CMYA5: variants seen among roughly 807,000 people sequenced by gnomAD.
CMYA5 encodes the protein cardiomyopathy-associated protein 5.
A neutral mutation model predicts 318.9 loss-of-function variants in CMYA5; 246 were observed. The ratio of observed to expected loss-of-function variants is 0.77; its 90% CI spans 0.70 to 0.86. The LOEUF is 0.86. Ranked by LOEUF, CMYA5 falls within the 40% of genes least tolerant of loss-of-function variation. The probability of loss-of-function intolerance (pLI) is 0.00; values close to 1 mark genes in which losing one functional copy is unlikely to be tolerated. For synonymous variants in CMYA5, 1,641 were observed against 1,729.5 expected (o/e 0.95, Z 1.27); for missense variants, 4,589 against 4,678.2 (o/e 0.98, Z 0.56).
intron 1 of CMYA5, among the ~76,000 whole-genome samples, chr5:79,694,296 T>C (rs1271434736): frequency 1.3e-5 from 2 of 152,222 alleles, no homozygotes; most frequent in African/African-American, 4.8e-5. Flanking sequence ...TAAGCACCTA[T>C]ACATTTGTAT....
intron 1 of CMYA5, among the ~76,000 whole-genome samples, chr5:79,698,948 A>T (rs1827124064): frequency 6.6e-6 from 1 of 152,164 alleles, no homozygotes; most frequent in African/African-American, 2.4e-5. Flanking sequence ...ACTTGAAATC[A>T]GGAGTTTGAG....
At chr5:79,690,241 C>T (rs1826940223) in intron 1 of CMYA5, among the ~76,000 whole-genome samples, 185 bp downstream of exon 1, 1 of 152,016 alleles carries the variant, frequency 6.6e-6, no homozygotes, top group Non-Finnish European at 1.5e-5. Context: ...AGTGACAGGC[C>T]CGCCTGCAGC....
In CMYA5 at chr5:79,735,414, A is replaced by G. The variant is rs1333968791; in HGVS notation, c.6649A>G (p.Ile2217Val). Residue 2217 changes from isoleucine to valine, a missense_variant, in exon 2 of 13, where the codon ATA (isoleucine) becomes GTA (valine). Physicochemically the swap from Ile to Val is conservative, Grantham distance 29. Around this residue, in one of 3 missense-constraint regions of CMYA5, gnomAD observed 2,431 missense variants for 2,495.1 expected, o/e 0.97. Transcript: ENST00000446378. ...SPSVEKAVTV[I>V]DPEGTIPTNF... ...ATCCGTAGAAAAAGCAGTGACTGTG[A>G]TAGATCCTGAAGGTACAATTCCCAC... 2.5e-6 allele frequency: 4 copies of G among 1,613,822 alleles called. No homozygotes were observed. The African/African-American group carries it at 5.3e-5, about 22-fold the overall frequency.
At chr5:79,741,448 T>A (rs7719553) in intron 2 of CMYA5, among the ~76,000 whole-genome samples, 72,791 of 152,060 alleles carry the variant, frequency 0.48, 19,084 homozygotes, top group African/African-American at 0.7. Flanking sequence ...ATCAGACTCA[T>A]TTTGATTCAA....
In CMYA5 at chr5:79,733,822, G is replaced by C. The variant is rs1333372106; in HGVS notation, c.5057G>C (p.Arg1686Thr). 6.2e-7 allele frequency: 1 copy of C among 1,613,570 alleles called. No homozygotes were observed. The highest frequency in any genetic ancestry group is 1.3e-5 in the African/African-American group (1 of 74,896). Residue 1686 changes from arginine to threonine, a missense_variant, in exon 2 of 13, where the codon AGA becomes ACA. Around this residue, in one of 3 missense-constraint regions of CMYA5, gnomAD observed 2,132 missense variants for 2,131.3 expected, o/e 1.00. Coordinates refer to ENST00000446378, the MANE Select transcript of CMYA5 (RefSeq NM_153610.5). The stretch of plus-strand genomic sequence containing the variant: ...AGCAGAGAAGGAAAAGAAGAAAATA[G>C]AGAGCTTTGTGCATCTTCTACGATG... ...LRSREGKEEN[R>T]ELCASSTMPA...
At chr5:79,754,851 G>A (rs1828497686) in intron 6 of CMYA5, among the ~76,000 whole-genome samples, 1 of 152,174 alleles carries the variant, frequency 6.6e-6, no homozygotes, top group Non-Finnish European at 1.5e-5. Flanking sequence ...TCTCCTGGCT[G>A]TGGCAGCCAC....
Position 79,730,445 on chromosome 5 carries a change from A to C in CMYA5, c.1680A>C (p.Glu560Asp). The C allele has an allele frequency of 1.2e-6, 2 of 1,613,876 alleles. No homozygotes were observed. Among genetic ancestry groups the C allele is most frequent in the Non-Finnish European group, 1.7e-6 (2 of 1,179,874 alleles). Reference sequence around the variant, plus strand: ...CCCCTGAAGTGGAGCACAAAGAAGAAGAGCTTATTCTACCATTATTGGCAG... The same window carrying C: ...CCCCTGAAGTGGAGCACAAAGAAGACGAGCTTATTCTACCATTATTGGCAG... ...HMSPEVEHKE[E>D]ELILPLLAAS... Residue 560 changes from glutamate (E) to aspartate (D), a missense_variant, in exon 2 of 13, where the codon GAA becomes GAC. Coordinates refer to ENST00000446378, the MANE Select transcript of CMYA5 (RefSeq NM_153610.5).
chr5:79,697,397 C>G (rs1332202184), intron 1 of CMYA5, among the ~76,000 whole-genome samples: 4 of 152,288 alleles, frequency 2.6e-5, no homozygotes, highest in Non-Finnish European at 4.4e-5. Flanking sequence ...GCAAGACAGC[C>G]TGGCTGCTGA....
At chr5:79,717,694 C>T (rs1411587835) in intron 1 of CMYA5, among the ~76,000 whole-genome samples, 1 of 152,066 alleles carries the variant, frequency 6.6e-6, no homozygotes, top group Non-Finnish European at 1.5e-5. Context: ...TTCTAAAGTA[C>T]CTGATCATTG....
intron 2 of CMYA5, 37 bp from the exon 3 acceptor site, chr5:79,743,790 T>A (rs1392628967): frequency 8.8e-7 from 1 of 1,133,228 alleles, no homozygotes; most frequent in Non-Finnish European, 1.3e-6. Context: ...TCTTCCTAAA[T>A]GTCATATACT....
chr5:79,699,252 C>G (rs1391488587), intron 1 of CMYA5, among the ~76,000 whole-genome samples: 2 of 152,102 alleles, frequency 1.3e-5, no homozygotes, highest in Non-Finnish European at 2.9e-5. Context: ...ACATTTTATC[C>G]CTAGGATCTC....
intron 1 of CMYA5, among the ~76,000 whole-genome samples, chr5:79,701,590 A>T (rs1306136035): frequency 6.6e-6 from 1 of 152,228 alleles, no homozygotes; most frequent in African/African-American, 2.4e-5. Context: ...ATGCGGAAGT[A>T]TCAGAATCCT....
chr5:79,793,478 A>C lies in CMYA5; in HGVS notation c.11831A>C (p.Gln3944Pro). 1 of 1,613,836 alleles carries C rather than the reference A, an allele frequency of 6.2e-7. No homozygotes were observed. The highest frequency in any genetic ancestry group is 1.1e-5 in the South Asian group (1 of 91,084). The change falls in exon 12 of 13, where the codon CAG becomes CCG. Residue 3944 changes from glutamine (Q) to proline (P), a missense_variant. Gln to Pro is a moderately conservative substitution (Grantham distance 76, BLOSUM62 -1). Around this residue, in one of 3 missense-constraint regions of CMYA5, gnomAD observed 2,431 missense variants for 2,495.1 expected, o/e 0.97. Transcript: ENST00000446378. ...VLGEELPSCG[Q>P]HYWETTVTDC... is the part of the protein sequence containing the mutation. ...GGTGAGGAGCTGCCTTCCTGTGGCC[A>C]GCATTACTGGGAAACCACAGTCACA...
intron 1 of CMYA5, among the ~76,000 whole-genome samples, chr5:79,699,019 G>A (rs190278767): frequency 7.2e-5 from 11 of 152,184 alleles, no homozygotes; most frequent in South Asian, 4.1e-4. Context: ...TTAGCTGGGC[G>A]TAGTTGCGTG....
At position 79,732,008 on chromosome 5, in the gene CMYA5, G is replaced by A. The variant is rs771824794; in HGVS notation, c.3243G>A (p.Pro1081=). The A allele has an allele frequency of 1.5e-5, 25 of 1,613,836 alleles. No homozygotes were observed. Among genetic ancestry groups the A allele is most frequent in the South Asian group, 3.3e-5 (3 of 91,074 alleles). Residue 1081 remains proline (P), a synonymous_variant, in exon 2 of 13, where the codon CCG becomes CCA. Transcript: ENST00000446378. ...LMSPLEDLSL[P]PSTDKSEKAE... ...CTCCGCTTGAAGACTTAAGTCTGCC[G>A]CCTTCAACAGATAAATCAGAGAAAG...
chr5:79,707,195 G>T (rs112019246), intron 1 of CMYA5, among the ~76,000 whole-genome samples: 1,920 of 152,226 alleles, frequency 0.013, 40 homozygotes, highest in African/African-American at 0.044. Context: ...AGAATTGTCA[G>T]CTTTGAACAG....
At chr5:79,788,628 C>T (rs1829122174) in intron 9 of CMYA5, among the ~76,000 whole-genome samples, 1 of 152,130 alleles carries the variant, frequency 6.6e-6, no homozygotes, top group African/African-American at 2.4e-5. Context: ...TTAATATCAT[C>T]TTAATCCAAA....
At position 79,731,337 on chromosome 5, in the gene CMYA5, C is replaced by CCA; in HGVS notation, c.2579_2580dup (p.Thr861GlnfsTer4). 6.2e-7 allele frequency: 1 copy of CCA among 1,613,974 alleles called. No individual in the cohort carries two copies. Among genetic ancestry groups the CCA allele is most frequent in the Non-Finnish European group, 8.5e-7 (1 of 1,179,884 alleles). Reference sequence around the variant, plus strand: ...TGTTGCATCTGAACACTCTTTCCCACCACACACAACCGAGATGACTTCTGA... The same window carrying CCA: ...TGTTGCATCTGAACACTCTTTCCCACCACACACACAACCGAGATGACTTCTGA... On this transcript the variant is annotated frameshift_variant, in exon 2 of 13. Transcript: ENST00000446378. LOFTEE classifies it high-confidence loss of function.
intron 1 of CMYA5, among the ~76,000 whole-genome samples, chr5:79,717,136 TA>T (rs1404303668): frequency 6.6e-6 from 1 of 152,228 alleles, no homozygotes; most frequent in Non-Finnish European, 1.5e-5. Context: ...GTATTTTTAC[TA>T]AGGATCAGTT....
Sources: allele counts gnomAD v4.1 joint callset (sites outside exome capture counted in the v4.1 genomes callset), GRCh38; gene constraint gnomAD v4.1.1; regional missense constraint gnomAD v4.1.1; transcripts MANE v1.5; gene names NCBI Gene and HGNC (gene_info 2026-07-23, HGNC 2026-07-21).